The following FAM222B variants were observed in gnomAD, a reference collection of about 807,000 sequenced individuals.
FAM222B encodes the protein family with sequence similarity 222 member B.
Under a neutral mutation model 38.0 loss-of-function variants are expected in FAM222B, and 12 were observed. The observed-to-expected ratio is 0.32, with a 90% CI of 0.20 to 0.51. The LOEUF (loss-of-function observed/expected upper bound fraction) is 0.51, where lower values mean the gene tolerates loss of function less well. FAM222B is among the 20% of genes least tolerant of loss of function. FAM222B has a pLI of 0.97. For missense variants in FAM222B, 716 were observed against 754.2 expected, an observed-to-expected ratio of 0.95 and a Z score of 0.59; for synonymous variants, 329 against 317.2, an observed-to-expected ratio of 1.04 and a Z score of -0.40.
intron 1 of FAM222B, among the ~76,000 whole-genome samples, chr17:28,782,811 T>C (rs1223083821): frequency 6.6e-6 from 1 of 152,112 alleles, no homozygotes; most frequent in South Asian, 2.1e-4. Context: ...GTGTCCACTC[T>C]GTGCAACTAT....
At chr17:28,764,744 C>G (rs1441554664) in intron 2 of FAM222B, among the ~76,000 whole-genome samples, 1 of 151,566 alleles carries the variant, frequency 6.6e-6, no homozygotes, top group Admixed American at 6.6e-5. Context: ...AAAACTCTAT[C>G]TAAAAAAAAT....
chr17:28,766,530 A>G, intron 2 of FAM222B, 56 bp downstream of exon 2: 2 of 1,469,416 alleles, frequency 1.4e-6, no homozygotes, highest in Non-Finnish European at 9.3e-7. Flanking sequence ...GGACGGCCCA[A>G]ATGTAGAGAC....
At chr17:28,775,457 CCTT>C in intron 1 of FAM222B, among the ~76,000 whole-genome samples, 2 of 108,942 alleles carry the variant, frequency 1.8e-5, no homozygotes, top group African/African-American at 6.6e-5. Context: ...CCTTTCACTG[CCTT>C]CAAAAAAAAA....
intron 1 of FAM222B, among the ~76,000 whole-genome samples, chr17:28,778,007 CTTTTT>C (rs34833861): frequency 3.8e-5 from 4 of 106,632 alleles, no homozygotes; most frequent in East Asian, 2.8e-4. Context: ...CCAGGCTGGA[CTTTTT>C]TTTTTTTTTT....
intron 1 of FAM222B, among the ~76,000 whole-genome samples, chr17:28,771,996 G>A (rs2035656361): frequency 6.6e-6 from 1 of 152,172 alleles, no homozygotes. Context: ...GGCGGAGCTT[G>A]CAGTGAGCCA....
At chr17:28,787,901 C>G (rs1477609761) in intron 1 of FAM222B, among the ~76,000 whole-genome samples, 1 of 146,144 alleles carries the variant, frequency 6.8e-6, no homozygotes, top group African/African-American at 2.6e-5. Context: ...CTTGGCTCAC[C>G]GCAACCTCCA....
chr17:28,846,159 T>C (rs2039144409), upstream of FAM222B, among the ~76,000 whole-genome samples: 2 of 138,950 alleles, frequency 1.4e-5, no homozygotes, highest in Admixed American at 1.5e-4. Flanking sequence ...GCCGAGACCA[T>C]GCCACTGCAC....
chr17:28,841,861 C>T (rs1218753591), intron 1 of FAM222B, among the ~76,000 whole-genome samples: 1 of 152,176 alleles, frequency 6.6e-6, no homozygotes, highest in Admixed American at 6.6e-5. Context: ...TATCACATTA[C>T]AGAACTGGTA....
chr17:28,854,101 G>A (rs1220511545), intron 1 of FAM222B, among the ~76,000 whole-genome samples: 5 of 151,898 alleles, frequency 3.3e-5, no homozygotes, highest in Admixed American at 2.0e-4. Flanking sequence ...CCGCCACCAC[G>A]CCCGGCTAAT....
At chr17:28,836,009 A>G (rs969712632) in intron 1 of FAM222B, among the ~76,000 whole-genome samples, 11 of 150,246 alleles carry the variant, frequency 7.3e-5, no homozygotes, top group Admixed American at 2.7e-4. Flanking sequence ...TATTTTTTTC[A>G]GAGTCTCCCT....
chr17:28,799,321 C>T (rs989706799), intron 1 of FAM222B, among the ~76,000 whole-genome samples: 9 of 132,286 alleles, frequency 6.8e-5, no homozygotes, highest in Non-Finnish European at 1.4e-4. Flanking sequence ...TTTTTGAGAC[C>T]GAGTCTCGGT....
intron 1 of FAM222B, among the ~76,000 whole-genome samples, chr17:28,815,302 C>T (rs891513927): frequency 6.6e-6 from 1 of 151,814 alleles, no homozygotes; most frequent in Non-Finnish European, 1.5e-5. Context: ...CAACCTCCAC[C>T]TCCCAGGTTC....
At chr17:28,765,069 G>A (rs2151778171) in intron 2 of FAM222B, among the ~76,000 whole-genome samples, 1 of 152,332 alleles carries the variant, frequency 6.6e-6, no homozygotes, top group South Asian at 2.1e-4. Context: ...GATGGGTTGA[G>A]AAAGCTATAG....
chr17:28,791,842 T>C (rs938166865), intron 1 of FAM222B, among the ~76,000 whole-genome samples: 1 of 151,490 alleles, frequency 6.6e-6, no homozygotes, highest in Non-Finnish European at 1.5e-5. Context: ...GTATTTTTAG[T>C]AGAGACTGGG....
intron 1 of FAM222B, among the ~76,000 whole-genome samples, chr17:28,816,344 T>C (rs2038022655): frequency 6.6e-6 from 1 of 152,156 alleles, no homozygotes; most frequent in Non-Finnish European, 1.5e-5. Context: ...AAATTACAGA[T>C]TTTATCATCT....
At chr17:28,802,290 G>A (rs1027571083) in intron 1 of FAM222B, among the ~76,000 whole-genome samples, 2 of 151,820 alleles carry the variant, frequency 1.3e-5, no homozygotes, top group African/African-American at 4.8e-5. Context: ...TAGAGATAAG[G>A]TTTCACCATG....
upstream of FAM222B, among the ~76,000 whole-genome samples, chr17:28,844,919 G>A (rs943605076): frequency 3.3e-5 from 5 of 151,896 alleles, no homozygotes; most frequent in Admixed American, 6.6e-5. Flanking sequence ...TGGCCAACAC[G>A]GTGAAACCCT....
chr17:28,761,814 C>G lies in FAM222B; in HGVS notation c.83-1938G>C, dbSNP rs1322387325. ...GGGATCACTGATTGAGAGCAAGTCC[C>G]TAAACTCAAGACATCAGAATTCCAA... On this transcript the variant is annotated intron_variant, in intron 2 of 2. Transcript: ENST00000581407. Among the ~76,000 whole-genome samples the G allele has an allele frequency of 2.0e-5, 3 of 152,154 alleles. No homozygotes were observed. In the East Asian group the frequency reaches 5.8e-4, roughly 29 times the overall value.
intron 1 of FAM222B, among the ~76,000 whole-genome samples, chr17:28,839,231 T>C (rs1402928298): frequency 6.6e-6 from 1 of 152,036 alleles, no homozygotes; most frequent in Admixed American, 6.6e-5. Context: ...ATGATAATAA[T>C]AAGCCAATAA....
Sources: gnomAD v4.1 joint callset for allele counts (sites outside exome capture counted in the v4.1 genomes callset) on GRCh38, gnomAD v4.1.1 for gene constraint, MANE v1.5 for transcripts, NCBI Gene and HGNC (gene_info 2026-07-23, HGNC 2026-07-21) for gene names.